The following KMT2E variants were observed in gnomAD, a reference collection of about 807,000 sequenced individuals.
KMT2E encodes histone reader KMT2E.
In KMT2E, 30 loss-of-function variants were observed where a neutral mutation model predicts 184.6. The observed-to-expected ratio is 0.16, with a 90% CI of 0.12 to 0.22. KMT2E has a LOEUF of 0.22. KMT2E is among the 10% of genes least tolerant of loss of function. The pLI is 1.00. For synonymous variants in KMT2E, 815 were observed against 776.5 expected, an observed-to-expected ratio of 1.05 and a Z score of -0.82; for missense variants, 2,023 against 2,237.4, an observed-to-expected ratio of 0.90 and a Z score of 1.93.
chr7:105,059,901 A>G (rs1018424419), intron 3 of KMT2E, among the ~76,000 whole-genome samples: 5 of 151,366 alleles, frequency 3.3e-5, no homozygotes, highest in Non-Finnish European at 7.4e-5. Flanking sequence ...GAAATTAAGA[A>G]ACATTTCTTT....
chr7:105,102,282 C>T, intron 17 of KMT2E, 88 bp downstream of exon 17: 1 of 1,125,148 alleles, frequency 8.9e-7, no homozygotes, highest in Non-Finnish European at 1.2e-6. Flanking sequence ...TTTTTAAGAC[C>T]TCATAATAAT....
chr7:105,086,986 C>T (rs755779621), intron 13 of KMT2E, among the ~76,000 whole-genome samples: 192 of 144,764 alleles, frequency 1.3e-3, no homozygotes, highest in Middle Eastern at 3.9e-3. Context: ...ATATATTATA[C>T]GCTGTATATG....
intron 15 of KMT2E, among the ~76,000 whole-genome samples, chr7:105,100,585 A>T (rs369984430): frequency 6.6e-6 from 1 of 152,310 alleles, no homozygotes; most frequent in East Asian, 1.9e-4. Context: ...TTCTCTTTGG[A>T]TAGAGAACTG....
chr7:105,064,762 A>G (rs1320350720), intron 5 of KMT2E, among the ~76,000 whole-genome samples: 1 of 108,820 alleles, frequency 9.2e-6, no homozygotes, highest in African/African-American at 4.7e-5. Context: ...TTAGGAGGTA[A>G]ATTAAAAAAC....
chr7:105,021,527 A>G (rs374185334), intron 1 of KMT2E, among the ~76,000 whole-genome samples: 54 of 152,320 alleles, frequency 3.5e-4, no homozygotes, highest in African/African-American at 1.2e-3. Context: ...TTATAAGGCT[A>G]TAGGGAAATC....
At chr7:105,107,139 CA>C in intron 20 of KMT2E, 26 bp from the exon 21 acceptor site, 1 of 1,242,352 alleles carries the variant, frequency 8.0e-7, no homozygotes. Context: ...TTTAAATTTT[CA>C]ATTCTAATTC....
chr7:105,028,076 A>G (rs1281954283), intron 1 of KMT2E, among the ~76,000 whole-genome samples: 1 of 135,380 alleles, frequency 7.4e-6, no homozygotes, highest in Non-Finnish European at 1.7e-5. Context: ...AACATTAATA[A>G]ATAAATATCT....
chr7:105,091,419 A>G (rs1315227404), intron 15 of KMT2E, 105 bp downstream of exon 15: 1 of 727,404 alleles, frequency 1.4e-6, no homozygotes, highest in Non-Finnish European at 2.5e-6. Context: ...AAGTTAGCGA[A>G]TGATGTGCCA....
intron 8 of KMT2E, among the ~76,000 whole-genome samples, 178 bp from the exon 9 acceptor site, chr7:105,075,865 A>T (rs1322191648): frequency 6.6e-6 from 1 of 152,044 alleles, no homozygotes; most frequent in African/African-American, 2.4e-5. Context: ...TTCTGTTTTT[A>T]TTAGAAAAGT....
chr7:105,071,262 G>A (rs1797273898), intron 6 of KMT2E, among the ~76,000 whole-genome samples: 1 of 151,718 alleles, frequency 6.6e-6, no homozygotes, highest in Admixed American at 6.6e-5. Context: ...TGTTATTATA[G>A]ATAGAAGTGA....
At chr7:105,014,663 C>G (rs899040288) in intron 1 of KMT2E, 128 bp downstream of exon 1, 3 of 152,148 alleles carry the variant, frequency 2.0e-5, no homozygotes, top group Non-Finnish European at 1.5e-5. Context: ...TCTCAGGTGT[C>G]TTTGCCGGCG....
chr7:105,087,284 G>GATATTAT (rs1554396447), intron 13 of KMT2E, among the ~76,000 whole-genome samples: 1 of 143,874 alleles, frequency 7.0e-6, no homozygotes, highest in Non-Finnish European at 1.5e-5. Flanking sequence ...ATATAAATAT[G>GATATTAT]ATATAATATA....
intron 22 of KMT2E, chr7:105,108,439 G>C: frequency 2.8e-6 from 1 of 355,072 alleles, no homozygotes; most frequent in South Asian, 2.3e-5. Flanking sequence ...GAGATAATTA[G>C]AATGCCTTAT....
intron 12 of KMT2E, among the ~76,000 whole-genome samples, chr7:105,080,426 G>A (rs1797717840): frequency 1.3e-5 from 2 of 151,352 alleles, no homozygotes; most frequent in South Asian, 4.2e-4. Context: ...TAAAAGACAG[G>A]ATCTTGCCAT....
chr7:105,063,253 A>G, intron 4 of KMT2E, 98 bp from the exon 5 acceptor site: 1 of 836,118 alleles, frequency 1.2e-6, no homozygotes, highest in Non-Finnish European at 1.8e-6. Context: ...ATATCTCTTG[A>G]GTATTGAAAT....
rs749348674 is a variant in KMT2E at position 105,107,132 on chromosome 7, A to T, written c.2848-34A>T. On this transcript the variant is annotated intron_variant, in intron 20 of 26. Coordinates refer to ENST00000311117, the MANE Select transcript of KMT2E (RefSeq NM_182931.3). ...ATTATGGATATACTTACGTATTTTT[A>T]AATTTTCAATTCTAATTCTTTCTTT... 15 of 1,174,698 alleles carry T rather than the reference A, an allele frequency of 1.3e-5. No individual in the cohort carries two copies. The African/African-American group carries it at 2.2e-4, about 17-fold the overall frequency. 72.8% of individuals were successfully genotyped at this position (1,174,698 alleles called of 1,614,324 possible). A position where few individuals can be genotyped will look rare whatever the true frequency, so the allele number is the denominator to read the frequency against.
At chr7:105,108,858 C>A (rs542327535) in intron 22 of KMT2E, 84 bp from the exon 23 acceptor site, 2 of 1,146,036 alleles carry the variant, frequency 1.7e-6, no homozygotes, top group East Asian at 5.2e-5. Flanking sequence ...TATAGTAATT[C>A]TCTTTAGACA....
chr7:105,086,040 ATATTTT>A (rs1797949824), intron 13 of KMT2E, among the ~76,000 whole-genome samples: 2 of 152,166 alleles, frequency 1.3e-5, no homozygotes, highest in Admixed American at 1.3e-4. Flanking sequence ...AGAATTTTGT[ATATTTT>A]TAAACTTTTA....
intron 3 of KMT2E, among the ~76,000 whole-genome samples, chr7:105,056,004 A>G (rs940940712): frequency 1.3e-5 from 2 of 151,768 alleles, no homozygotes; most frequent in Non-Finnish European, 2.9e-5. Context: ...AAAGAAAACT[A>G]TATTATTGTA....
Sources: gnomAD v4.1 joint callset for allele counts (sites outside exome capture counted in the v4.1 genomes callset) on GRCh38, gnomAD v4.1.1 for gene constraint, MANE v1.5 for transcripts, NCBI Gene and HGNC (gene_info 2026-07-23, HGNC 2026-07-21) for gene names.